ABCA13: variants seen among roughly 807,000 people sequenced by gnomAD.
ABCA13 encodes ATP binding cassette subfamily A member 13.
Under a neutral mutation model 478.7 loss-of-function variants are expected in ABCA13, and 476 were observed. The observed-to-expected ratio is 0.99, with a 90% CI of 0.92 to 1.07. The LOEUF is 1.07. Among genes scored for constraint, ABCA13 ranks in the 50% least tolerant of loss-of-function variants. ABCA13 has a pLI of 0.00. For missense variants in ABCA13, 6,060 were observed against 5,910.6 expected, an observed-to-expected ratio of 1.03 and a Z score of -0.83; for synonymous variants, 2,252 against 2,158.9, an observed-to-expected ratio of 1.04 and a Z score of -1.20.
At chr7:48,349,221 C>G (rs1386349601) in intron 29 of ABCA13, among the ~76,000 whole-genome samples, 5 of 152,208 alleles carry the variant, frequency 3.3e-5, no homozygotes, top group Admixed American at 2.0e-4. Context: ...CCAGCCTTCC[C>G]AAATCCTTAC....
At position 48,275,958 on chromosome 7, in the gene ABCA13, A is replaced by C. The variant is rs1489548493; in HGVS notation, c.6292A>C (p.Thr2098Pro). 3.7e-6 allele frequency: 6 copies of C among 1,613,580 alleles called. No homozygotes were observed. Among genetic ancestry groups the C allele is most frequent in the Middle Eastern group, 3.3e-4 (2 of 6,080 alleles). The stretch of plus-strand genomic sequence containing the variant: ...AAATTCAATGGCTCTTCAAAAGATA[A>C]CTTTGCAGTTTGCCCATTTCCTGGA... Reference protein sequence around the residue: ...SINSMALQKITLQFAHFLEIL... With the variant: ...SINSMALQKIPLQFAHFLEIL... Residue 2098 changes from threonine to proline, a missense_variant, in exon 17 of 62, where the codon ACT (threonine) becomes CCT (proline). Thr to Pro is a conservative substitution (Grantham distance 38). This residue lies in a region of ABCA13 where 4,423 missense variants were observed against 4,309.1 expected (regional missense o/e 1.03). Transcript: ENST00000435803.
At chr7:48,189,491 C>G (rs1391694631) in intron 1 of ABCA13, among the ~76,000 whole-genome samples, 1 of 152,116 alleles carries the variant, frequency 6.6e-6, no homozygotes, top group East Asian at 1.9e-4. Flanking sequence ...GGTCAGTGAC[C>G]ACCTTGTAAA....
At chr7:48,408,705 A>AT (rs1376009142) in intron 39 of ABCA13, among the ~76,000 whole-genome samples, 1 of 152,004 alleles carries the variant, frequency 6.6e-6, no homozygotes, top group Non-Finnish European at 1.5e-5. Flanking sequence ...TTTTACTTAC[A>AT]TTTTAAATTC....
At chr7:48,361,809 T>C (rs1355275696) in intron 31 of ABCA13, among the ~76,000 whole-genome samples, 7 of 151,904 alleles carry the variant, frequency 4.6e-5, no homozygotes, top group African/African-American at 1.2e-4. Context: ...ATAAAGCTTC[T>C]TTTAATTTCC....
chr7:48,377,305 G>A (rs1199194257), intron 35 of ABCA13, among the ~76,000 whole-genome samples: 1 of 151,956 alleles, frequency 6.6e-6, no homozygotes, highest in Non-Finnish European at 1.5e-5. Flanking sequence ...AGCAGAAATA[G>A]CACTTTAAAA....
At chr7:48,334,316 C>T (rs1805866997) in intron 27 of ABCA13, among the ~76,000 whole-genome samples, 2 of 150,814 alleles carry the variant, frequency 1.3e-5, no homozygotes, top group African/African-American at 4.9e-5. Flanking sequence ...TGTCTTAATA[C>T]TTACAAGAGT....
rs534042920 is a variant in ABCA13, at chr7:48,615,495, T to A, written c.14837+118T>A. 1.4e-4 allele frequency: 122 copies of A among 873,396 alleles called. No homozygotes were observed. In the African/African-American group the frequency reaches 1.8e-3, roughly 13 times the overall value. 54.1% of individuals were successfully genotyped at this position (873,396 alleles called of 1,614,324 possible). On this transcript the variant is annotated intron_variant, in intron 59 of 61. Transcript: ENST00000435803. Reference sequence around the variant, plus strand: ...GTTCCAATTACCTGCTGGCATAAAATAGGAGATGAAGGCTCTGAGGGGATA... The same window carrying A: ...GTTCCAATTACCTGCTGGCATAAAAAAGGAGATGAAGGCTCTGAGGGGATA...
In ABCA13 at chr7:48,242,394, C is replaced by T. The variant is rs577312445; in HGVS notation, c.1262+1328C>T. Among the ~76,000 whole-genome samples, 29 of 152,138 alleles carry T rather than the reference C, an allele frequency of 1.9e-4. 2 individuals are homozygous for T. The South Asian group carries it at 6.0e-3, about 32-fold the overall frequency. On this transcript the variant is annotated intron_variant, in intron 10 of 61. Coordinates refer to ENST00000435803, the MANE Select transcript of ABCA13 (RefSeq NM_152701.5). The stretch of plus-strand genomic sequence containing the variant: ...CATTCTCAGTGCCAGGAAGATGAGG[C>T]CCAAACACTGGCTTTGCTGTCCATC...
intron 59 of ABCA13, among the ~76,000 whole-genome samples, chr7:48,642,881 C>T (rs187076409): frequency 1.3e-5 from 2 of 152,268 alleles, no homozygotes; most frequent in African/African-American, 4.8e-5. Flanking sequence ...CAATCCCTTT[C>T]ATCTTTTCCC....
At position 48,239,233 on chromosome 7, in the gene ABCA13, G is replaced by A. The variant is rs1194348830; in HGVS notation, c.898-8G>A. 1.9e-6 allele frequency: 3 copies of A among 1,613,400 alleles called. No individual in the cohort carries two copies. In the South Asian group the frequency reaches 3.3e-5, roughly 18 times the overall value. On this transcript the variant is annotated splice_polypyrimidine_tract_variant and splice_region_variant and intron_variant, in intron 8 of 61. Transcript: ENST00000435803. ...TTATGTCTAAATATTTTTTCATATT[G>A]TTGTCAGATTCCCACAGACACTTCC... is the stretch of plus-strand genomic sequence containing the variant.
At chr7:48,490,518 T>C (rs935087796) in intron 48 of ABCA13, among the ~76,000 whole-genome samples, 9 of 152,200 alleles carry the variant, frequency 5.9e-5, no homozygotes, top group Admixed American at 1.3e-4. Flanking sequence ...TGAGATGTCA[T>C]TCTGGTGGGC....
At chr7:48,361,615 G>GT (rs573573110) in intron 31 of ABCA13, among the ~76,000 whole-genome samples, 3 of 150,532 alleles carry the variant, frequency 2.0e-5, no homozygotes, top group East Asian at 2.0e-4. Flanking sequence ...ATTATTTTTA[G>GT]TTTTTTTCTT....
At chr7:48,329,181 A>C (rs902906219) in intron 27 of ABCA13, among the ~76,000 whole-genome samples, 8 of 152,234 alleles carry the variant, frequency 5.3e-5, no homozygotes, top group African/African-American at 1.9e-4. Context: ...AACATAATGC[A>C]TCTGTTTTTG....
intron 5 of ABCA13, among the ~76,000 whole-genome samples, chr7:48,224,493 C>T (rs1267886875): frequency 6.6e-6 from 1 of 152,196 alleles, no homozygotes; most frequent in Non-Finnish European, 1.5e-5. Context: ...TGACTTTTCC[C>T]TCTTTCCCTC....
At chr7:48,629,031 C>T (rs1185394135) in intron 59 of ABCA13, among the ~76,000 whole-genome samples, 2 of 152,228 alleles carry the variant, frequency 1.3e-5, no homozygotes, top group African/African-American at 4.8e-5. Context: ...CCTGCTTTCT[C>T]TCAAAACAGT....
chr7:48,350,593 ACTGGG>A (rs1808811432), intron 29 of ABCA13, 45 bp from the exon 30 acceptor site: 1 of 1,509,336 alleles, frequency 6.6e-7, no homozygotes, highest in African/African-American at 1.4e-5. Context: ...AGTGGTAAGC[ACTGGG>A]GGGATACAGA....
Position 48,234,248 on chromosome 7 carries a change from A to T in ABCA13, c.897+97A>T, listed in dbSNP as rs189487668. On this transcript the variant is annotated intron_variant, in intron 8 of 61. Transcript: ENST00000435803. ...GCAGGGTGAGCGGGTGCCACGGGAG[A>T]GGCAGCCAGACAGGAGAGTTCGGTC... The T allele has an allele frequency of 2.8e-4, 429 of 1,556,426 alleles. 1 individual carries two copies. In the Middle Eastern group the frequency reaches 3.6e-3, roughly 13 times the overall value.
chr7:48,403,543 G>A, intron 38 of ABCA13, 140 bp from the exon 39 acceptor site: 1 of 835,990 alleles, frequency 1.2e-6, no homozygotes, highest in Non-Finnish European at 1.9e-6. Flanking sequence ...AGACTCACGT[G>A]TGTGTAGCAT....
intron 20 of ABCA13, among the ~76,000 whole-genome samples, chr7:48,294,470 C>A (rs1277548711): frequency 1.4e-5 from 2 of 138,764 alleles, no homozygotes; most frequent in African/African-American, 5.4e-5. Context: ...GACGGAGTCT[C>A]GCTCTGTCGC....
Sources: allele counts gnomAD v4.1 joint callset (sites outside exome capture counted in the v4.1 genomes callset), GRCh38; gene constraint gnomAD v4.1.1; regional missense constraint gnomAD v4.1.1; transcripts MANE v1.5; gene names NCBI Gene and HGNC (gene_info 2026-07-23, HGNC 2026-07-21).